The following NCALD variants were observed in gnomAD, a reference collection of about 807,000 sequenced individuals.
NCALD encodes the protein neurocalcin-delta.
A neutral mutation model predicts 18.6 loss-of-function variants in NCALD; 10 were observed. That is an observed-to-expected ratio of 0.54 (90% CI 0.33 to 0.91). NCALD has a LOEUF of 0.91. NCALD is among the 40% of genes least tolerant of loss of function. The pLI is 0.03. For synonymous variants in NCALD, 88 were observed against 87.4 expected, an observed-to-expected ratio of 1.01 and a Z score of -0.04; for missense variants, 184 against 247.6, an observed-to-expected ratio of 0.74 and a Z score of 1.72.
Position 102,040,471 on chromosome 8 carries a change from C to CAA in NCALD, c.-209-20184_-209-20183dup, listed in dbSNP as rs60568830. Among the ~76,000 whole-genome samples, 83 of 135,722 alleles carry CAA rather than the reference C, an allele frequency of 6.1e-4. No homozygotes were observed. The Middle Eastern group carries it at 0.015, about 24-fold the overall frequency. 89.0% of individuals were successfully genotyped at this position (135,722 alleles called of 152,430 possible). A position where few individuals can be genotyped will look rare whatever the true frequency, so the allele number is the denominator to read the frequency against. On this transcript the variant is annotated intron_variant, in intron 1 of 6. Coordinates refer to the NCALD transcript ENST00000311028. ...CCTGGGTGATAGAGTGAGAATCCAT[C>CAA]AAAAAAAAAAAAGAAAAGAAAAGAA... is the stretch of plus-strand genomic sequence containing the variant.
At chr8:102,035,485 T>C (rs922332563) in intron 1 of NCALD, among the ~76,000 whole-genome samples, 20 of 152,294 alleles carry the variant, frequency 1.3e-4, no homozygotes, top group African/African-American at 4.3e-4. Flanking sequence ...CAACTTCTGT[T>C]GAGATCCAAC....
At position 102,001,766 on chromosome 8, in the gene NCALD, C is replaced by G. The variant is rs577698497; in HGVS notation, c.-157+18471G>C. On this transcript the variant is annotated intron_variant, in intron 2 of 6. Transcript: ENST00000311028. Reference sequence around the variant, plus strand: ...AATTTTCAACCCAGAATTTCATATCCAGCCAAACTAAGCTTCATAAGTGAA... The same window carrying G: ...AATTTTCAACCCAGAATTTCATATCGAGCCAAACTAAGCTTCATAAGTGAA... Among the ~76,000 whole-genome samples, 18 of 152,244 alleles carry G rather than the reference C, an allele frequency of 1.2e-4. No homozygotes were observed. In the East Asian group the frequency reaches 3.5e-3, roughly 29 times the overall value.
intron 4 of NCALD, among the ~76,000 whole-genome samples, chr8:101,848,534 A>G (rs1370374516): frequency 6.6e-6 from 1 of 152,172 alleles, no homozygotes; most frequent in Non-Finnish European, 1.5e-5. Context: ...GGGAAATTAT[A>G]TTTACAAAAG....
chr8:101,727,456 C>A (rs536100360), intron 1 of NCALD, among the ~76,000 whole-genome samples: 2 of 152,220 alleles, frequency 1.3e-5, no homozygotes, highest in South Asian at 2.1e-4. Flanking sequence ...AATGAGTAAC[C>A]TTTTATAAAA....
chr8:102,019,314 G>A (rs1396194497), intron 2 of NCALD, among the ~76,000 whole-genome samples: 1 of 152,090 alleles, frequency 6.6e-6, no homozygotes, highest in Non-Finnish European at 1.5e-5. Context: ...ATACACTCCT[G>A]ATTGTGGCAT....
intron 4 of NCALD, among the ~76,000 whole-genome samples, chr8:101,877,403 C>T (rs1315609651): frequency 6.6e-6 from 1 of 152,146 alleles, no homozygotes; most frequent in African/African-American, 2.4e-5. Context: ...CCAGCATTCC[C>T]CTATTATCCA....
At chr8:102,009,230 C>T (rs1341668422) in intron 2 of NCALD, among the ~76,000 whole-genome samples, 1 of 152,144 alleles carries the variant, frequency 6.6e-6, no homozygotes. Context: ...GCTGGTGGTC[C>T]AATGACCTTT....
At chr8:101,927,917 A>G (rs1053696505) in intron 2 of NCALD, among the ~76,000 whole-genome samples, 2 of 152,166 alleles carry the variant, frequency 1.3e-5, no homozygotes, top group Non-Finnish European at 2.9e-5. Flanking sequence ...CTCAGGGAAA[A>G]CATATTTTTA....
At chr8:101,871,239 C>T (rs1816004876) in intron 4 of NCALD, among the ~76,000 whole-genome samples, 1 of 152,194 alleles carries the variant, frequency 6.6e-6, no homozygotes, top group Non-Finnish European at 1.5e-5. Flanking sequence ...CAGAGCCTCC[C>T]AGTTCCTGCC....
chr8:102,006,311 T>C (rs1007974501), intron 2 of NCALD, among the ~76,000 whole-genome samples: 2 of 143,840 alleles, frequency 1.4e-5, no homozygotes, highest in Admixed American at 6.9e-5. Flanking sequence ...ATTGGTTCTC[T>C]TTTTTTTTTT....
chr8:101,744,987 G>T (rs951687443), intron 1 of NCALD, among the ~76,000 whole-genome samples: 2 of 129,066 alleles, frequency 1.5e-5, no homozygotes, highest in Non-Finnish European at 3.1e-5. Flanking sequence ...CAAAGCAGTG[G>T]CTTTGAAGCA....
intron 3 of NCALD, among the ~76,000 whole-genome samples, chr8:101,904,121 GGTGA>G (rs1338266710): frequency 2.0e-5 from 3 of 152,248 alleles, no homozygotes; most frequent in Admixed American, 2.0e-4. Context: ...TCCCTTCCCT[GGTGA>G]GTAATTCAGC....
chr8:102,002,954 C>CA (rs1340826905), intron 2 of NCALD, among the ~76,000 whole-genome samples: 4 of 152,012 alleles, frequency 2.6e-5, no homozygotes, highest in Non-Finnish European at 5.9e-5. Context: ...ACCCTAACAT[C>CA]ACAATTAAAA....
At chr8:101,695,997 C>T (rs1473766140) in intron 2 of NCALD, among the ~76,000 whole-genome samples, 1 of 152,056 alleles carries the variant, frequency 6.6e-6, no homozygotes, top group African/African-American at 2.4e-5. Context: ...TTTCTTCTCT[C>T]TCTCTTCACA....
chr8:101,694,051 T>C (rs1193564671), intron 2 of NCALD: 4 of 152,240 alleles, frequency 2.6e-5, no homozygotes, highest in Non-Finnish European at 5.9e-5. Context: ...AAGGGCCCTT[T>C]GACCTCTGTG....
chr8:101,864,843 A>G (rs478069), intron 4 of NCALD, among the ~76,000 whole-genome samples: 60,186 of 151,772 alleles, frequency 0.4, 15,161 homozygotes, highest in African/African-American at 0.71. Flanking sequence ...TGATCCGCCC[A>G]TCTCAGCCTC....
At chr8:102,008,336 C>G (rs749142223) in intron 2 of NCALD, among the ~76,000 whole-genome samples, 27 of 152,170 alleles carry the variant, frequency 1.8e-4, no homozygotes, top group Admixed American at 9.2e-4. Flanking sequence ...CCCTTAGGGA[C>G]AGGAATAGGT....
chr8:101,831,431 C>T (rs1233490614), intron 4 of NCALD, among the ~76,000 whole-genome samples: 6 of 152,184 alleles, frequency 3.9e-5, no homozygotes, highest in Non-Finnish European at 8.8e-5. Context: ...AAATCCATCT[C>T]CAATTCACTG....
chr8:101,867,125 G>T (rs142724742), intron 4 of NCALD, among the ~76,000 whole-genome samples: 1 of 152,164 alleles, frequency 6.6e-6, no homozygotes, highest in Non-Finnish European at 1.5e-5. Flanking sequence ...GTCCTGGCAT[G>T]GTCTCCCACC....
Sources: gnomAD v4.1 joint callset for allele counts (sites outside exome capture counted in the v4.1 genomes callset) on GRCh38, gnomAD v4.1.1 for gene constraint, MANE v1.5 for transcripts, NCBI Gene and HGNC (gene_info 2026-07-23, HGNC 2026-07-21) for gene names.